The following ANKUB1 variants were observed in gnomAD, a reference collection of about 807,000 sequenced individuals.
The protein encoded by ANKUB1 is ankyrin repeat and ubiquitin domain containing 1, also known as protein ANKUB1.
ANKUB1 carries 42 observed loss-of-function variants against 49.3 expected under a neutral mutation model. That is an observed-to-expected ratio of 0.85 (90% CI 0.67 to 1.10). The LOEUF is 1.10. Among genes scored for constraint, ANKUB1 ranks in the 50% least tolerant of loss-of-function variants. ANKUB1 has a pLI of 0.00. For missense variants in ANKUB1, 613 were observed against 642.0 expected (o/e 0.95, Z 0.49); for synonymous variants, 222 against 231.0 (o/e 0.96, Z 0.35).
intron 2 of ANKUB1, among the ~76,000 whole-genome samples, chr3:149,789,510 G>GA (rs538271659): frequency 1.1e-3 from 168 of 151,744 alleles, no homozygotes; most frequent in Non-Finnish European, 1.3e-3. Flanking sequence ...AAAAGAGGCA[G>GA]AAAATAAAAC....
At chr3:149,776,331 T>A (rs1360975642) in intron 3 of ANKUB1, among the ~76,000 whole-genome samples, 2 of 152,162 alleles carry the variant, frequency 1.3e-5, no homozygotes, top group Non-Finnish European at 2.9e-5. Flanking sequence ...ATGTCCTGAG[T>A]GCCAGCCATT....
At chr3:149,791,050 T>C in intron 1 of ANKUB1, 126 bp from the exon 2 acceptor site, 1 of 910,180 alleles carries the variant, frequency 1.1e-6, no homozygotes, top group East Asian at 2.8e-5. Flanking sequence ...AGGGAAGAAG[T>C]ATTAAATAGG....
At position 149,761,609 on chromosome 3, in the gene ANKUB1, A is replaced by T. The variant is rs560648606; in HGVS notation, c.1510T>A (p.Phe504Ile). ...TGCTGAAGCCATCGTTTCTCTTTAA[A>T]GGCACTGCAAGAAAACAAGATATAA... is the stretch of plus-strand genomic sequence containing the variant. ...AIYCLAVASA[F>I]KEKRWLQQLE... The change falls in exon 6 of 6, where the codon TTT becomes ATT. Residue 504 changes from phenylalanine (F) to isoleucine (I), a missense_variant. Phe to Ile is a conservative substitution (Grantham distance 21, BLOSUM62 0). Coordinates refer to ENST00000446160, the MANE Select transcript of ANKUB1 (RefSeq NM_001144960.3). 92 of 1,550,786 alleles carry T rather than the reference A, an allele frequency of 5.9e-5. No homozygotes were observed. Among genetic ancestry groups the T allele is most frequent in the Middle Eastern group, 5.0e-4 (3 of 5,982 alleles).
At chr3:149,775,341 C>T (rs1717546557) in intron 3 of ANKUB1, among the ~76,000 whole-genome samples, 1 of 152,130 alleles carries the variant, frequency 6.6e-6, no homozygotes. Context: ...AACTTAAAGG[C>T]CATCAATAAA....
At chr3:149,786,104 C>T (rs1718087857) in intron 2 of ANKUB1, among the ~76,000 whole-genome samples, 3 of 152,102 alleles carry the variant, frequency 2.0e-5, no homozygotes, top group South Asian at 4.1e-4. Context: ...GGTGCTATCT[C>T]GGCTCACTGC....
chr3:149,775,897 G>A (rs1717574407), intron 3 of ANKUB1, among the ~76,000 whole-genome samples: 1 of 151,800 alleles, frequency 6.6e-6, no homozygotes, highest in Non-Finnish European at 1.5e-5. Context: ...GACTAGGTGT[G>A]TGTGTGCGTG....
chr3:149,792,330 G>C lies in ANKUB1; in HGVS notation c.37C>G (p.Pro13Ala). 1 of 1,529,366 alleles carries C rather than the reference G, an allele frequency of 6.5e-7. No homozygotes were observed. The highest frequency in any genetic ancestry group is 8.8e-7 in the Non-Finnish European group (1 of 1,134,848). 94.7% of individuals were successfully genotyped at this position (1,529,366 alleles called of 1,614,324 possible). ...IFIAFEGSFE[P>A]FDVSADETVE... ...GTTTCATCTGCTGAAACATCAAACGGTTCAAAAGATCCTTCAAAGGCGATG... is the reference window on the plus strand; with the variant it reads ...GTTTCATCTGCTGAAACATCAAACGCTTCAAAAGATCCTTCAAAGGCGATG... The change falls in exon 1 of 6, where the codon CCG (proline) becomes GCG (alanine). Residue 13 changes from proline to alanine, a missense_variant. Coordinates refer to ENST00000446160, the MANE Select transcript of ANKUB1 (RefSeq NM_001144960.3).
intron 2 of ANKUB1, among the ~76,000 whole-genome samples, chr3:149,786,325 G>A (rs181458960): frequency 1.3e-5 from 2 of 152,234 alleles, no homozygotes; most frequent in Admixed American, 6.5e-5. Flanking sequence ...GTGAGCCACC[G>A]CTCCCAGCCT....
chr3:149,790,255 C>T (rs541956332), intron 2 of ANKUB1, among the ~76,000 whole-genome samples: 32 of 152,146 alleles, frequency 2.1e-4, no homozygotes, highest in African/African-American at 5.3e-4. Context: ...AAAGCCCAAC[C>T]GTGCATCTTA....
chr3:149,762,370 A>C (rs1432098290), intron 5 of ANKUB1, among the ~76,000 whole-genome samples: 2 of 152,152 alleles, frequency 1.3e-5, no homozygotes, highest in Non-Finnish European at 2.9e-5. Flanking sequence ...AACTTGTCCC[A>C]CTTCTGTTTC....
intron 1 of ANKUB1, among the ~76,000 whole-genome samples, chr3:149,792,014 C>A (rs1718379351): frequency 6.6e-6 from 1 of 152,106 alleles, no homozygotes; most frequent in African/African-American, 2.4e-5. Context: ...CTATGCACAA[C>A]CCACACATTC....
At chr3:149,784,272 G>A (rs1717993480) in intron 2 of ANKUB1, among the ~76,000 whole-genome samples, 1 of 152,130 alleles carries the variant, frequency 6.6e-6, no homozygotes, top group Non-Finnish European at 1.5e-5. Flanking sequence ...GAAACCAGAA[G>A]GAGTCCTAGG....
intron 2 of ANKUB1, among the ~76,000 whole-genome samples, chr3:149,787,393 T>C (rs777075982): frequency 7.2e-5 from 11 of 152,232 alleles, no homozygotes; most frequent in Non-Finnish European, 1.0e-4. Context: ...TGTATAGGAA[T>C]ACTCGTGATT....
chr3:149,786,985 A>G (rs183962146), intron 2 of ANKUB1, among the ~76,000 whole-genome samples: 91 of 152,286 alleles, frequency 6.0e-4, no homozygotes, highest in African/African-American at 2.2e-3. Context: ...GCCTTATAGT[A>G]TAGTTTGAAG....
rs769387182 is a variant in ANKUB1 at position 149,767,339 on chromosome 3, T to C, written c.1323A>G (p.Ile441Met). Residue 441 changes from isoleucine to methionine, a missense_variant, in exon 5 of 6, where the codon ATA (isoleucine) becomes ATG (methionine). By Grantham distance (10) the Ile-to-Met change is conservative. Transcript: ENST00000446160. The part of the protein sequence containing the change: ...TATARKKEKL[I>M]KNTYLPQVPL... ...GGACTTGGGGAAGATATGTGTTTTT[T>C]ATGAGCTTTTCTTTTTTCCTAGCTG... The C allele has an allele frequency of 3.2e-6, 5 of 1,550,302 alleles. No individual in the cohort carries two copies. The highest frequency in any genetic ancestry group is 4.4e-6 in the Non-Finnish European group (5 of 1,146,740).
chr3:149,776,167 C>CT (rs1248717904), intron 3 of ANKUB1, among the ~76,000 whole-genome samples: 2 of 152,136 alleles, frequency 1.3e-5, no homozygotes, highest in Non-Finnish European at 2.9e-5. Flanking sequence ...AAATCCAAAG[C>CT]TTTTTTATCT....
intron 2 of ANKUB1, among the ~76,000 whole-genome samples, chr3:149,781,913 G>C (rs978456495): frequency 6.6e-6 from 1 of 152,066 alleles, no homozygotes; most frequent in African/African-American, 2.4e-5. Context: ...AATTTTTCAT[G>C]ATAGTTTCTC....
chr3:149,787,979 C>T (rs1313178149), intron 2 of ANKUB1, among the ~76,000 whole-genome samples: 3 of 152,154 alleles, frequency 2.0e-5, no homozygotes, highest in Non-Finnish European at 2.9e-5. Context: ...TATGATATTT[C>T]TAAGTTGTAC....
intron 2 of ANKUB1, among the ~76,000 whole-genome samples, chr3:149,781,541 T>C (rs946624241): frequency 4.6e-5 from 7 of 152,302 alleles, no homozygotes; most frequent in African/African-American, 1.7e-4. Context: ...TATCTGGCCT[T>C]CAGGTTCTTC....
Sources: allele counts gnomAD v4.1 joint callset (sites outside exome capture counted in the v4.1 genomes callset), GRCh38; gene constraint gnomAD v4.1.1; transcripts MANE v1.5; gene names NCBI Gene and HGNC (gene_info 2026-07-23, HGNC 2026-07-21).